EEF1E1: variants seen among roughly 807,000 people sequenced by gnomAD.
EEF1E1 encodes eukaryotic translation elongation factor 1 epsilon 1, also known as eukaryotic translation elongation factor 1 epsilon-1.
Under a neutral mutation model 19.9 loss-of-function variants are expected in EEF1E1, and 19 were observed. That is an observed-to-expected ratio of 0.95 (90% confidence interval 0.66 to 1.40). EEF1E1 has a LOEUF of 1.40. Among genes scored for constraint, EEF1E1 ranks in the 40% most tolerant of loss-of-function variants. EEF1E1 has a pLI of 0.00. For synonymous variants in EEF1E1, 81 were observed against 80.0 expected (o/e 1.01, Z -0.07); for missense variants, 198 against 202.2 (o/e 0.98, Z 0.13).
intron 1 of EEF1E1, among the ~76,000 whole-genome samples, chr6:8,100,685 G>A (rs1050054275): frequency 1.3e-5 from 2 of 151,952 alleles, no homozygotes; most frequent in Non-Finnish European, 2.9e-5. Context: ...TTTCCTTGCA[G>A]TTAGCTCCTC....
chr6:8,095,123 C>T (rs984948592), intron 2 of EEF1E1, among the ~76,000 whole-genome samples: 14 of 152,172 alleles, frequency 9.2e-5, no homozygotes, highest in African/African-American at 2.2e-4. Context: ...TATGATGCAA[C>T]GCTAACATGT....
chr6:8,075,482 G>A (rs1033498720), downstream of EEF1E1, among the ~76,000 whole-genome samples: 21 of 152,130 alleles, frequency 1.4e-4, no homozygotes, highest in East Asian at 3.9e-4. Flanking sequence ...GAAAAGTTAC[G>A]TTTATACTCT....
At position 8,097,151 on chromosome 6, in the gene EEF1E1, C is replaced by T. The variant is rs1486977236; in HGVS notation, c.288+116G>A. 4.8e-5 allele frequency: 48 copies of T among 1,005,250 alleles called. No homozygotes were observed. In the South Asian group the frequency reaches 6.4e-4, roughly 13 times the overall value. The allele number at this position is 1,005,250 out of a possible 1,614,324, so 62.3% of individuals were successfully genotyped here. Reference sequence around the variant, plus strand: ...CAGAGGGAATAACAGATGCAAACTACTGAGGCAGAAGGAAAGAGGTGAAGA... The same window carrying T: ...CAGAGGGAATAACAGATGCAAACTATTGAGGCAGAAGGAAAGAGGTGAAGA... On this transcript the variant is annotated intron_variant, in intron 2 of 3. Coordinates refer to ENST00000379715, the MANE Select transcript of EEF1E1 (RefSeq NM_004280.5).
Position 8,079,762 on chromosome 6 carries a change from TTCAAAAATTCTA to T in EEF1E1, c.*116_*127del, listed in dbSNP as rs1204199584. The T allele has an allele frequency of 1.7e-5, 23 of 1,342,840 alleles. No individual in the cohort carries two copies. The highest frequency in any genetic ancestry group is 2.0e-5 in the Non-Finnish European group (21 of 1,042,958). The allele number at this position is 1,342,840 out of a possible 1,614,324, so 83.2% of individuals were successfully genotyped here. ...AAAACATTCAGACACAAGTTTACAC[TTCAAAAATTCTA>T]TCAACTTCAACAAATAATGAATGAC... On this transcript the variant is annotated 3_prime_UTR_variant, in exon 4 of 4. Transcript: ENST00000379715.
intron 1 of EEF1E1, chr6:8,101,656 T>C (rs1444212601): frequency 4.2e-6 from 4 of 947,228 alleles, no homozygotes; most frequent in South Asian, 1.7e-5. Context: ...AAAACATATA[T>C]CCAAAGTAGT....
At chr6:8,097,066 G>T (rs1478562088) in intron 2 of EEF1E1, among the ~76,000 whole-genome samples, 1 of 152,202 alleles carries the variant, frequency 6.6e-6, no homozygotes, top group East Asian at 1.9e-4. Flanking sequence ...AGTAGTCAAG[G>T]AAGTTTCCAA....
At chr6:8,078,520 T>C (rs77833629), downstream of EEF1E1, 1,345 of 436,498 alleles carry the variant, frequency 3.1e-3, 18 homozygotes, top group African/African-American at 0.026. Flanking sequence ...CACAGAGACA[T>C]GAAGCAAGCA....
At chr6:8,102,148 C>T in intron 1 of EEF1E1, 1 of 1,286,332 alleles carries the variant, frequency 7.8e-7, no homozygotes, top group Non-Finnish European at 1.0e-6. Flanking sequence ...CCTGTGAGGA[C>T]CCTCCTCCAA....
intron 2 of EEF1E1, among the ~76,000 whole-genome samples, chr6:8,096,789 C>A (rs1178907823): frequency 1.3e-5 from 2 of 151,920 alleles, no homozygotes; most frequent in Non-Finnish European, 2.9e-5. Flanking sequence ...AAATTTAAAG[C>A]AATGATTCTC....
chr6:8,078,837 A>G, downstream of EEF1E1: 1 of 1,134,626 alleles, frequency 8.8e-7, no homozygotes, highest in Middle Eastern at 3.1e-4. Context: ...ATTTAGCATT[A>G]TCTTTTTATT....
chr6:8,082,707 A>C (rs1757752309), intron 3 of EEF1E1, among the ~76,000 whole-genome samples: 1 of 152,232 alleles, frequency 6.6e-6, no homozygotes, highest in Non-Finnish European at 1.5e-5. Context: ...GTTTTTCAAA[A>C]AGGATGAGGT....
downstream of EEF1E1, chr6:8,079,370 CAGAA>C: frequency 2.0e-6 from 2 of 984,638 alleles, no homozygotes; most frequent in African/African-American, 1.7e-5. Context: ...GTACTGACTA[CAGAA>C]AGAAAGAAAC....
chr6:8,099,791 C>CACACACACACACAAAA (rs768224090), intron 1 of EEF1E1, among the ~76,000 whole-genome samples: 9 of 114,624 alleles, frequency 7.9e-5, no homozygotes, highest in African/African-American at 3.0e-4. Context: ...CACACACACA[C>CACACACACACACAAAA]AAAAAAAAAA....
rs1023214526 is a variant in EEF1E1 at position 8,091,170 on chromosome 6, A to C, written c.289-889T>G. On this transcript the variant is annotated intron_variant, in intron 2 of 3. Transcript: ENST00000379715. The stretch of plus-strand genomic sequence containing the variant: ...AATGCACAAGGGTTACAATTTCTTC[A>C]TATCCTCACCAACACATGTTGTGTT... 3.3e-5 allele frequency among the ~76,000 whole-genome samples: 5 copies of C among 152,170 alleles called. No individual in the cohort carries two copies. In the East Asian group the frequency reaches 9.6e-4, roughly 29 times the overall value.
intron 3 of EEF1E1, among the ~76,000 whole-genome samples, chr6:8,083,613 C>G (rs1757774399): frequency 6.6e-6 from 1 of 152,114 alleles, no homozygotes; most frequent in East Asian, 1.9e-4. Context: ...TAGACCAGAT[C>G]TTAGAATAAC....
chr6:8,088,257 G>GA (rs1190276092), intron 3 of EEF1E1, among the ~76,000 whole-genome samples: 2 of 151,664 alleles, frequency 1.3e-5, no homozygotes, highest in East Asian at 3.9e-4. Flanking sequence ...AAGATTGAAG[G>GA]AAAAAAAAGG....
downstream of EEF1E1, among the ~76,000 whole-genome samples, chr6:8,076,012 C>A (rs1192272331): frequency 6.6e-6 from 1 of 152,140 alleles, no homozygotes; most frequent in Non-Finnish European, 1.5e-5. Flanking sequence ...ATCAAGACTG[C>A]GGCAATTCAG....
At chr6:8,090,381 A>T in intron 2 of EEF1E1, 100 bp from the exon 3 acceptor site, 1 of 803,830 alleles carries the variant, frequency 1.2e-6, no homozygotes, top group South Asian at 4.8e-5. Flanking sequence ...ACTAGAAAAC[A>T]AAATATTGCC....
chr6:8,101,698 T>TCTTG, intron 1 of EEF1E1: 1 of 1,248,544 alleles, frequency 8.0e-7, no homozygotes, highest in Non-Finnish European at 1.0e-6. Context: ...CTCTAATACA[T>TCTTG]TCCTTCTACG....
Sources: allele counts gnomAD v4.1 joint callset (sites outside exome capture counted in the v4.1 genomes callset), GRCh38; gene constraint gnomAD v4.1.1; transcripts MANE v1.5; gene names NCBI Gene and HGNC (gene_info 2026-07-23, HGNC 2026-07-21).